Variants in LRCH2 observed in about 807,000 individuals in gnomAD.
The protein encoded by LRCH2 is leucine rich repeats and calponin homology domain containing 2.
Under a neutral mutation model 68.9 loss-of-function variants are expected in LRCH2, and 38 were observed. That is an observed-to-expected ratio of 0.55 (90% CI 0.43 to 0.72). The LOEUF is 0.72. LRCH2 is among the 30% of genes least tolerant of loss of function. LRCH2 has a pLI of 0.00. For synonymous variants in LRCH2, 191 were observed against 208.1 expected, an observed-to-expected ratio of 0.92 and a Z score of 0.71; for missense variants, 528 against 572.9, an observed-to-expected ratio of 0.92 and a Z score of 0.80.
intron 1 of LRCH2, among the ~76,000 whole-genome samples, chrX:115,201,415 A>G (rs1256813694): frequency 1.8e-5 from 2 of 112,096 alleles, no homozygotes; most frequent in Non-Finnish European, 3.8e-5. Context: ...TAGGACAAAA[A>G]ACATATGATC....
At chrX:115,226,302 C>G (rs1313293926) in intron 1 of LRCH2, among the ~76,000 whole-genome samples, 1 of 111,514 alleles carries the variant, frequency 9.0e-6, no homozygotes, top group Non-Finnish European at 1.9e-5. Flanking sequence ...AAAATTACCA[C>G]AGTTAAATAA....
At position 115,176,930 on chromosome X, in the gene LRCH2, A is replaced by G. The variant is rs782799936; in HGVS notation, c.864+2497T>C. On this transcript the variant is annotated intron_variant, in intron 5 of 20. Coordinates refer to ENST00000317135, the MANE Select transcript of LRCH2 (RefSeq NM_020871.4). ...CCCAGCTAATTTTTTGTACTTTAGT[A>G]GAGACGGGGTTTCACCATATTGCCC... is the stretch of plus-strand genomic sequence containing the variant. Among the ~76,000 whole-genome samples, 14 of 105,872 alleles carry G rather than the reference A, an allele frequency of 1.3e-4. No homozygotes were observed. In the Middle Eastern group the frequency reaches 0.014, roughly 110 times the overall value. 91.9% of individuals were successfully genotyped at this position (105,872 alleles called of 115,157 possible).
chrX:115,167,210 A>AAAAC (rs1556545551), intron 6 of LRCH2, among the ~76,000 whole-genome samples: 7 of 102,712 alleles, frequency 6.8e-5, no homozygotes, highest in Non-Finnish European at 1.0e-4. Context: ...AAAAAAAAAA[A>AAAAC]AAAAAAAAAC....
intron 5 of LRCH2, among the ~76,000 whole-genome samples, chrX:115,174,830 C>T (rs1263194391): frequency 9.0e-6 from 1 of 111,639 alleles, no homozygotes; most frequent in Admixed American, 9.5e-5. Flanking sequence ...TACACGATCT[C>T]TTAAGTGGTA....
intron 3 of LRCH2, among the ~76,000 whole-genome samples, chrX:115,183,372 G>A (rs781999847): frequency 2.3e-4 from 25 of 110,929 alleles, no homozygotes; most frequent in Non-Finnish European, 3.6e-4. Flanking sequence ...TGACCTCCCC[G>A]GACATAATAA....
rs180924726 is a variant in LRCH2, at chrX:115,215,533, G to A, written c.349+18160C>T. ...AGGTCAATGCCGGAGGATCACTTGA[G>A]GTCAGGAGTTCAAGACCACACTAGC... On this transcript the variant is annotated intron_variant, in intron 1 of 20. Coordinates refer to ENST00000317135, the MANE Select transcript of LRCH2 (RefSeq NM_020871.4). Among the ~76,000 whole-genome samples the A allele has an allele frequency of 1.3e-3, 141 of 110,005 alleles. 1 individual carries two copies. Among genetic ancestry groups the A allele is most frequent in the African/African-American group, 4.3e-3 (130 of 30,221 alleles).
At chrX:115,125,496 T>C (rs1384756642) in intron 16 of LRCH2, among the ~76,000 whole-genome samples, 11 of 107 alleles carry the variant, frequency 0.1, no homozygotes, top group Non-Finnish European at 0.16. Flanking sequence ...TATATATATA[T>C]ATATATATAT....
intron 1 of LRCH2, chrX:115,191,655 C>T (rs952414411): frequency 2.9e-5 from 34 of 1,158,481 alleles, no homozygotes; most frequent in Non-Finnish European, 3.8e-5. Flanking sequence ...CCAGCCAGAG[C>T]GACCACTATG....
At position 115,224,974 on chromosome X, in the gene LRCH2, T is replaced by C. The variant is rs185008145; in HGVS notation, c.349+8719A>G. ...TATATTCTAAAGCTGACAGACTGAG[T>C]GGGGAAACCTAGCAAGGCCTGTCTG... On this transcript the variant is annotated intron_variant, in intron 1 of 20. Transcript: ENST00000317135. Among the ~76,000 whole-genome samples, 9 of 111,453 alleles carry C rather than the reference T, an allele frequency of 8.1e-5. No homozygotes were observed. The East Asian group carries it at 2.3e-3, about 28-fold the overall frequency.
At chrX:115,186,813 C>A (rs1367896078) in intron 2 of LRCH2, among the ~76,000 whole-genome samples, 1 of 54,314 alleles carries the variant, frequency 1.8e-5, no homozygotes, top group African/African-American at 6.0e-5. Context: ...TTCCCTCACA[C>A]TTTTTTTTTT....
rs782678975 is a variant in LRCH2, at chrX:115,218,720, CA to C, written c.349+14972del. Among the ~76,000 whole-genome samples, 436 of 112,191 alleles carry C rather than the reference CA, an allele frequency of 3.9e-3. 2 individuals carry two copies. The highest frequency in any genetic ancestry group is 0.014 in the African/African-American group (426 of 30,916). ...TCACTTCATTTATATGAGGTAAACA[CA>C]AAGTGGCCAATGGGAATCCTCTAGC... is the stretch of plus-strand genomic sequence containing the variant. On this transcript the variant is annotated intron_variant, in intron 1 of 20. Transcript: ENST00000317135.
At chrX:115,151,753 A>T (rs2072433621) in intron 12 of LRCH2, among the ~76,000 whole-genome samples, 3 of 111,526 alleles carry the variant, frequency 2.7e-5, no homozygotes, top group Non-Finnish European at 5.6e-5. Flanking sequence ...TAGGCAAAAA[A>T]TGACATTATC....
chrX:115,134,934 T>C (rs2072275783), intron 14 of LRCH2, among the ~76,000 whole-genome samples: 1 of 110,640 alleles, frequency 9.0e-6, no homozygotes, highest in Non-Finnish European at 1.9e-5. Flanking sequence ...CTAGATGCCA[T>C]TAAGAACATT....
At chrX:115,211,397 C>T (rs1429655834) in intron 1 of LRCH2, among the ~76,000 whole-genome samples, 3 of 111,635 alleles carry the variant, frequency 2.7e-5, no homozygotes, top group Non-Finnish European at 5.6e-5. Flanking sequence ...TGCCTTTCAC[C>T]TTCTGCCATG....
At chrX:115,114,695 A>T (rs1373320027) in intron 20 of LRCH2, among the ~76,000 whole-genome samples, 1 of 111,058 alleles carries the variant, frequency 9.0e-6, no homozygotes, top group African/African-American at 3.3e-5. Flanking sequence ...CCAAAATGAT[A>T]ATAAGGAGAC....
At chrX:115,170,165 G>A in intron 6 of LRCH2, 134 bp downstream of exon 6, 1 of 540,608 alleles carries the variant, frequency 1.8e-6, no homozygotes, top group Non-Finnish European at 2.6e-6. Flanking sequence ...GTGATATGTA[G>A]CTTCAGCCAA....
intron 1 of LRCH2, among the ~76,000 whole-genome samples, chrX:115,205,254 C>T (rs1238049093): frequency 8.9e-6 from 1 of 111,964 alleles, no homozygotes; most frequent in African/African-American, 3.3e-5. Flanking sequence ...ATAGTGGTTA[C>T]AATTCAATAT....
At chrX:115,127,968 A>C (rs2072213161) in intron 15 of LRCH2, among the ~76,000 whole-genome samples, 1 of 111,556 alleles carries the variant, frequency 9.0e-6, no homozygotes, top group African/African-American at 3.3e-5. Flanking sequence ...AAGGTTTCCA[A>C]GCAAGGGAAT....
intron 1 of LRCH2, among the ~76,000 whole-genome samples, chrX:115,208,906 C>T (rs1603094455): frequency 9.0e-6 from 1 of 111,649 alleles, no homozygotes; most frequent in East Asian, 2.8e-4. Flanking sequence ...CACGTGTATC[C>T]TTATAAGAGG....
Sources: gnomAD v4.1 joint callset for allele counts (sites outside exome capture counted in the v4.1 genomes callset) on GRCh38, gnomAD v4.1.1 for gene constraint, MANE v1.5 for transcripts, NCBI Gene and HGNC (gene_info 2026-07-23, HGNC 2026-07-21) for gene names.